Variants in RALYL observed in about 807,000 individuals in gnomAD.
The protein encoded by RALYL is RALY RNA binding protein like.
In RALYL, 29 loss-of-function variants were observed where a neutral mutation model predicts 35.1. That is an observed-to-expected ratio of 0.83 (90% CI 0.61 to 1.13). The LOEUF (loss-of-function observed/expected upper bound fraction) is 1.13. Among genes scored for constraint, RALYL ranks in the 50% most tolerant of loss-of-function variants. The probability of loss-of-function intolerance (pLI) is 0.00; values close to 1 mark genes in which losing one functional copy is unlikely to be tolerated. For synonymous variants in RALYL, 120 were observed against 127.6 expected, an observed-to-expected ratio of 0.94 and a Z score of 0.40; for missense variants, 359 against 360.4, an observed-to-expected ratio of 1.00 and a Z score of 0.03.
intron 2 of RALYL, among the ~76,000 whole-genome samples, chr8:84,616,410 G>C (rs1819660204): frequency 6.7e-6 from 1 of 149,972 alleles, no homozygotes; most frequent in Admixed American, 6.6e-5. Context: ...AGAAGTGTCT[G>C]TTCATGTCCT....
chr8:84,894,357 T>A (rs974090432), intron 8 of RALYL, among the ~76,000 whole-genome samples: 1 of 152,224 alleles, frequency 6.6e-6, no homozygotes, highest in Non-Finnish European at 1.5e-5. Flanking sequence ...TTAGTTGGAA[T>A]TGTAAATTAC....
intron 2 of RALYL, among the ~76,000 whole-genome samples, chr8:84,672,197 C>T (rs10091587): frequency 0.01 from 1,557 of 152,280 alleles, 22 homozygotes; most frequent in African/African-American, 0.036. Flanking sequence ...ATTGCTAAAG[C>T]ATAACAGGAG....
chr8:84,677,290 AATT>A, intron 2 of RALYL, among the ~76,000 whole-genome samples: 1 of 152,340 alleles, frequency 6.6e-6, no homozygotes, highest in South Asian at 2.1e-4. Flanking sequence ...AAAAAGTTAA[AATT>A]ATTATGTTTG....
intron 1 of RALYL, among the ~76,000 whole-genome samples, chr8:84,359,099 C>T (rs1330439435): frequency 1.3e-5 from 2 of 151,844 alleles, no homozygotes; most frequent in Non-Finnish European, 2.9e-5. Flanking sequence ...CATATGAATC[C>T]ATTTTACTAA....
intron 5 of RALYL, among the ~76,000 whole-genome samples, chr8:84,855,366 T>C (rs778480079): frequency 2.0e-5 from 3 of 152,234 alleles, no homozygotes; most frequent in Non-Finnish European, 2.9e-5. Flanking sequence ...TTGGAGACTC[T>C]AATGTGATTG....
intron 2 of RALYL, among the ~76,000 whole-genome samples, chr8:84,732,016 C>A (rs1186075095): frequency 1.3e-5 from 2 of 152,112 alleles, no homozygotes; most frequent in Non-Finnish European, 2.9e-5. Context: ...GTCCTTCAGA[C>A]CTCAGGTGAA....
chr8:84,458,885 G>C (rs747059592), intron 1 of RALYL, among the ~76,000 whole-genome samples: 3 of 151,676 alleles, frequency 2.0e-5, no homozygotes, highest in Non-Finnish European at 4.4e-5. Context: ...ATTTTCAGCA[G>C]ATCACCTTCT....
At chr8:84,525,608 T>C (rs1375637115) in intron 1 of RALYL, among the ~76,000 whole-genome samples, 1 of 152,124 alleles carries the variant, frequency 6.6e-6, no homozygotes, top group East Asian at 1.9e-4. Flanking sequence ...GATTTATATA[T>C]GTTTAACGGC....
intron 1 of RALYL, among the ~76,000 whole-genome samples, chr8:84,306,318 TA>T (rs1309744897): frequency 6.6e-6 from 1 of 152,138 alleles, no homozygotes; most frequent in Non-Finnish European, 1.5e-5. Context: ...TTGTACATGA[TA>T]AAAAGGAGGA....
intron 1 of RALYL, among the ~76,000 whole-genome samples, chr8:84,360,586 AG>A (rs1444149936): frequency 6.6e-6 from 1 of 152,194 alleles, no homozygotes; most frequent in Non-Finnish European, 1.5e-5. Flanking sequence ...AAGAGGAAGC[AG>A]GGGGCACAAG....
At chr8:84,908,616 G>A (rs1846942016) in intron 8 of RALYL, among the ~76,000 whole-genome samples, 1 of 152,050 alleles carries the variant, frequency 6.6e-6, no homozygotes, top group Non-Finnish European at 1.5e-5. Flanking sequence ...TAGAAACTCA[G>A]GTAGATGCTA....
intron 1 of RALYL, among the ~76,000 whole-genome samples, chr8:84,301,466 T>C (rs1840770121): frequency 1.3e-5 from 2 of 152,092 alleles, no homozygotes; most frequent in Non-Finnish European, 2.9e-5. Context: ...GGACAATATC[T>C]TCAAACATCT....
intron 1 of RALYL, among the ~76,000 whole-genome samples, chr8:84,193,643 G>C (rs1174149764): frequency 6.6e-6 from 1 of 152,184 alleles, no homozygotes; most frequent in African/African-American, 2.4e-5. Flanking sequence ...AACTGGTATG[G>C]AGATAGGAGC....
intron 1 of RALYL, among the ~76,000 whole-genome samples, chr8:84,261,604 A>G (rs1832320987): frequency 6.6e-6 from 1 of 152,158 alleles, no homozygotes; most frequent in African/African-American, 2.4e-5. Context: ...TAGCAGCATG[A>G]GAATGGACTG....
At chr8:84,271,869 GA>G (rs1834371626) in intron 1 of RALYL, among the ~76,000 whole-genome samples, 1 of 151,990 alleles carries the variant, frequency 6.6e-6, no homozygotes, top group African/African-American at 2.4e-5. Context: ...GCAATTTGGG[GA>G]GTTATGAAAT....
chr8:84,504,961 T>C (rs1170039088), intron 1 of RALYL, among the ~76,000 whole-genome samples: 3 of 152,162 alleles, frequency 2.0e-5, no homozygotes, highest in Non-Finnish European at 4.4e-5. Flanking sequence ...AACATGTAAG[T>C]CACCAATGGG....
chr8:84,768,491 A>G (rs1188352702), intron 2 of RALYL, among the ~76,000 whole-genome samples: 1 of 152,204 alleles, frequency 6.6e-6, no homozygotes, highest in Non-Finnish European at 1.5e-5. Flanking sequence ...ACCAGGTTTT[A>G]GATGATAAAC....
intron 2 of RALYL, among the ~76,000 whole-genome samples, chr8:84,651,709 T>C (rs1311983469): frequency 6.6e-6 from 1 of 151,982 alleles, no homozygotes; most frequent in Non-Finnish European, 1.5e-5. Flanking sequence ...ACGTGTTATA[T>C]GAAAAAAACT....
rs530110819 is a variant in RALYL, at chr8:84,638,488, TA to T, written c.256+108917del. Among the ~76,000 whole-genome samples the T allele has an allele frequency of 3.7e-3, 554 of 151,230 alleles. 4 individuals are homozygous for T. Among genetic ancestry groups the T allele is most frequent in the African/African-American group, 0.012 (512 of 41,258 alleles). ...GAAGAACCAAATGAAATTGAAACAATAAAAAATGCAAAAGATAAATGAAACA... is the reference window on the plus strand; with the variant it reads ...GAAGAACCAAATGAAATTGAAACAATAAAAATGCAAAAGATAAATGAAACA... On this transcript the variant is annotated intron_variant, in intron 2 of 8. Coordinates refer to ENST00000521268, the MANE Select transcript of RALYL (RefSeq NM_173848.7).
Sources: gnomAD v4.1 joint callset for allele counts (sites outside exome capture counted in the v4.1 genomes callset) on GRCh38, gnomAD v4.1.1 for gene constraint, MANE v1.5 for transcripts, NCBI Gene and HGNC (gene_info 2026-07-23, HGNC 2026-07-21) for gene names.